The following ZNF385D variants were observed in gnomAD, a reference collection of about 807,000 sequenced individuals.
ZNF385D encodes the protein zinc finger protein 659.
A neutral mutation model predicts 35.8 loss-of-function variants in ZNF385D; 15 were observed. That is an observed-to-expected ratio of 0.42 (90% CI 0.28 to 0.64). ZNF385D has a LOEUF of 0.64. ZNF385D is among the 30% of genes least tolerant of loss of function. The probability of loss-of-function intolerance (pLI) is 0.23; values close to 1 mark genes in which losing one functional copy is unlikely to be tolerated. For missense variants in ZNF385D, 474 were observed against 494.6 expected (o/e 0.96, Z 0.39); for synonymous variants, 212 against 186.8 (o/e 1.13, Z -1.10).
chr3:22,045,874 C>A (rs1372564979), intron 3 of ZNF385D, among the ~76,000 whole-genome samples: 1 of 152,016 alleles, frequency 6.6e-6, no homozygotes, highest in East Asian at 1.9e-4. Flanking sequence ...CTCTTTGCCA[C>A]TCATCAGAGG....
At chr3:22,251,870 C>T (rs1700080501) in intron 2 of ZNF385D, among the ~76,000 whole-genome samples, 1 of 152,088 alleles carries the variant, frequency 6.6e-6, no homozygotes, top group Non-Finnish European at 1.5e-5. Flanking sequence ...CTCACACAGC[C>T]TTTGAAAGTT....
At position 21,704,493 on chromosome 3, in the gene ZNF385D, A is replaced by AT. The variant is rs748305927; in HGVS notation, c.23-39466dup. 2.1e-3 allele frequency among the ~76,000 whole-genome samples: 317 copies of AT among 151,928 alleles called. 3 individuals are homozygous for AT. Among genetic ancestry groups the AT allele is most frequent in the Middle Eastern group, 3.4e-3 (1 of 294 alleles). On this transcript the variant is annotated intron_variant, in intron 1 of 7. Coordinates refer to ENST00000281523, the MANE Select transcript of ZNF385D (RefSeq NM_024697.3). Reference sequence around the variant, plus strand: ...ATAGCCTTTACCAAAATCTGATATTATTTATTTTATTTTATTTTATTTATT... The same window carrying AT: ...ATAGCCTTTACCAAAATCTGATATTATTTTATTTTATTTTATTTTATTTATT...
chr3:21,758,895 T>G (rs1305108244), intron 3 of ZNF385D, among the ~76,000 whole-genome samples: 3 of 141,294 alleles, frequency 2.1e-5, no homozygotes, highest in Non-Finnish European at 3.0e-5. Flanking sequence ...CACCATGTCA[T>G]AACTTTGGTA....
At chr3:22,073,293 G>C (rs1267447989) in intron 3 of ZNF385D, among the ~76,000 whole-genome samples, 3 of 148,502 alleles carry the variant, frequency 2.0e-5, no homozygotes, top group Admixed American at 6.7e-5. Context: ...ATTACTTTAG[G>C]TTAAAATTAG....
chr3:21,510,433 G>C (rs1018111955), intron 4 of ZNF385D, among the ~76,000 whole-genome samples: 1 of 152,180 alleles, frequency 6.6e-6, no homozygotes, highest in Non-Finnish European at 1.5e-5. Context: ...AAGGCTTTCT[G>C]TAATAATGCC....
chr3:21,864,050 A>C (rs1348454232), intron 3 of ZNF385D, among the ~76,000 whole-genome samples: 2 of 152,124 alleles, frequency 1.3e-5, no homozygotes, highest in South Asian at 4.1e-4. Context: ...TTTCCTCACA[A>C]TAAAGGAAGA....
chr3:22,170,955 T>C (rs1694375692), intron 2 of ZNF385D, among the ~76,000 whole-genome samples: 1 of 152,186 alleles, frequency 6.6e-6, no homozygotes, highest in Admixed American at 6.5e-5. Flanking sequence ...AAAAATAAGA[T>C]GTAAATTTAC....
chr3:21,490,370 T>A (rs777715987), intron 4 of ZNF385D, among the ~76,000 whole-genome samples: 5 of 151,934 alleles, frequency 3.3e-5, no homozygotes, highest in Admixed American at 1.3e-4. Context: ...CAAAAAAAAA[T>A]TTTCAAATAA....
intron 3 of ZNF385D, among the ~76,000 whole-genome samples, chr3:21,873,968 C>T (rs1281063927): frequency 2.4e-5 from 3 of 127,190 alleles, no homozygotes; most frequent in Non-Finnish European, 3.4e-5. Flanking sequence ...AGTATCTCTT[C>T]AAGATCCTGA....
At chr3:21,877,868 G>A (rs1332011351) in intron 3 of ZNF385D, 2 of 152,056 alleles carry the variant, frequency 1.3e-5, no homozygotes, top group East Asian at 1.9e-4. Flanking sequence ...AAATTTATTT[G>A]GGAAGTTACA....
At chr3:21,467,340 T>C (rs1026955755) in intron 4 of ZNF385D, among the ~76,000 whole-genome samples, 5 of 152,206 alleles carry the variant, frequency 3.3e-5, no homozygotes, top group Non-Finnish European at 7.3e-5. Flanking sequence ...ACGGGGCTTC[T>C]TTGCCAAAAC....
chr3:22,215,513 C>T (rs1697817273), intron 2 of ZNF385D, among the ~76,000 whole-genome samples: 1 of 151,956 alleles, frequency 6.6e-6, no homozygotes. Flanking sequence ...TCCCATAGTG[C>T]TCCCAGGCTT....
At chr3:21,999,596 T>C (rs1309269784) in intron 3 of ZNF385D, among the ~76,000 whole-genome samples, 7 of 152,126 alleles carry the variant, frequency 4.6e-5, no homozygotes, top group Non-Finnish European at 7.3e-5. Flanking sequence ...CTACTTCTCA[T>C]TTTTGAACTT....
At chr3:22,261,605 C>T (rs762719814) in intron 2 of ZNF385D, among the ~76,000 whole-genome samples, 8 of 151,930 alleles carry the variant, frequency 5.3e-5, no homozygotes, top group Non-Finnish European at 1.2e-4. Flanking sequence ...CTTCCAAAGC[C>T]TCTTCCTCTG....
rs368223028 is a variant in ZNF385D, at chr3:21,437,104, C to A, written c.539G>T (p.Ser180Ile). The A allele has an allele frequency of 7.4e-6, 12 of 1,613,940 alleles. No homozygotes were observed. The highest frequency in any genetic ancestry group is 1.3e-5 in the African/African-American group (1 of 75,030). Residue 180 changes from serine to isoleucine, a missense_variant, in exon 5 of 8, where the codon AGC becomes ATC. By Grantham distance (142) the Ser-to-Ile change is moderately radical. Transcript: ENST00000281523. Reference sequence around the variant, plus strand: ...GCTATTGCCAGTGGCTGTCGTTGGGCTTTTTTCCACTTTAGAGGTGATCTC... The same window carrying A: ...GCTATTGCCAGTGGCTGTCGTTGGGATTTTTTCCACTTTAGAGGTGATCTC... ...TTEITSKVEK[S>I]PTTATGNSSC...
intron 3 of ZNF385D, among the ~76,000 whole-genome samples, chr3:21,975,407 G>A (rs1000943558): frequency 3.9e-5 from 6 of 152,088 alleles, no homozygotes; most frequent in Admixed American, 3.3e-4. Context: ...CCAGAGGTTG[G>A]AAGGGTAGTG....
chr3:22,119,118 C>A (rs549580602), intron 3 of ZNF385D, among the ~76,000 whole-genome samples: 4 of 152,062 alleles, frequency 2.6e-5, no homozygotes, highest in Admixed American at 1.3e-4. Flanking sequence ...AGGGATAGGA[C>A]GTCCTGTGGT....
intron 3 of ZNF385D, among the ~76,000 whole-genome samples, chr3:21,793,857 C>A (rs1464862770): frequency 6.6e-6 from 1 of 152,148 alleles, no homozygotes. Context: ...TTTAGGGAAC[C>A]ATTCTCAGGA....
intron 3 of ZNF385D, among the ~76,000 whole-genome samples, chr3:21,819,600 T>C (rs975563728): frequency 1.4e-5 from 2 of 147,836 alleles, no homozygotes; most frequent in Admixed American, 6.8e-5. Context: ...TACATATGTG[T>C]GTATATATGT....
Sources: allele counts gnomAD v4.1 joint callset (sites outside exome capture counted in the v4.1 genomes callset), GRCh38; gene constraint gnomAD v4.1.1; transcripts MANE v1.5; gene names NCBI Gene and HGNC (gene_info 2026-07-23, HGNC 2026-07-21).